Variants in ZNF804A observed in about 807,000 individuals in gnomAD.
The protein encoded by ZNF804A is zinc finger protein 804A.
In ZNF804A, 2 loss-of-function variants were observed where a neutral mutation model predicts 16.5. The ratio of observed to expected loss-of-function variants is 0.12; its 90% CI spans 0.05 to 0.38. The LOEUF is 0.38. Ranked by LOEUF, ZNF804A falls within the 10% of genes least tolerant of loss-of-function variation. The pLI, the probability that ZNF804A is intolerant of heterozygous loss-of-function variation, is 0.99. For missense variants in ZNF804A, 1,473 were observed against 1,390.7 expected (o/e 1.06, Z -0.94); for synonymous variants, 534 against 489.6 (o/e 1.09, Z -1.20).
intron 2 of ZNF804A, among the ~76,000 whole-genome samples, chr2:184,885,398 C>G (rs1312942119): frequency 6.6e-6 from 1 of 152,070 alleles, no homozygotes; most frequent in Non-Finnish European, 1.5e-5. Flanking sequence ...TTATGTTCAT[C>G]ACAGCACTAT....
At chr2:184,622,070 T>C (rs140685283) in intron 1 of ZNF804A, among the ~76,000 whole-genome samples, 1 of 151,810 alleles carries the variant, frequency 6.6e-6, no homozygotes, top group Non-Finnish European at 1.5e-5. Context: ...ATTTGGAAAG[T>C]ACTCTGATTA....
intron 1 of ZNF804A, among the ~76,000 whole-genome samples, chr2:184,610,989 T>C (rs1212639368): frequency 1.3e-5 from 2 of 152,224 alleles, no homozygotes; most frequent in Non-Finnish European, 2.9e-5. Context: ...TGAGCTGTTA[T>C]AACAAAATAC....
intron 2 of ZNF804A, among the ~76,000 whole-genome samples, chr2:184,932,073 A>G (rs1685711016): frequency 6.6e-6 from 1 of 152,134 alleles, no homozygotes; most frequent in Admixed American, 6.6e-5. Context: ...CCTGGACTTT[A>G]TTATCCATAT....
chr2:184,651,117 T>C (rs1003191968), intron 1 of ZNF804A, among the ~76,000 whole-genome samples: 6 of 151,734 alleles, frequency 4.0e-5, no homozygotes, highest in African/African-American at 1.5e-4. Context: ...TGGAATACAA[T>C]AGAGAACACA....
chr2:184,880,203 T>TA (rs1684787249), intron 2 of ZNF804A, among the ~76,000 whole-genome samples: 1 of 152,046 alleles, frequency 6.6e-6, no homozygotes, highest in Non-Finnish European at 1.5e-5. Flanking sequence ...GTTAAGAGGT[T>TA]ATAAAGGAAT....
intron 3 of ZNF804A, among the ~76,000 whole-genome samples, chr2:184,934,160 T>A (rs997900256): frequency 6.6e-6 from 1 of 152,050 alleles, no homozygotes; most frequent in Non-Finnish European, 1.5e-5. Flanking sequence ...AGATTCTTTT[T>A]CTAAAAAAGG....
At chr2:184,829,620 A>G (rs976450379) in intron 1 of ZNF804A, among the ~76,000 whole-genome samples, 6 of 152,000 alleles carry the variant, frequency 3.9e-5, no homozygotes, top group African/African-American at 1.4e-4. Flanking sequence ...ATCTGATATT[A>G]TCTGATGTAG....
At chr2:184,905,747 A>T (rs1411438384) in intron 2 of ZNF804A, among the ~76,000 whole-genome samples, 1 of 152,130 alleles carries the variant, frequency 6.6e-6, no homozygotes, top group Non-Finnish European at 1.5e-5. Context: ...GGGTGATTTT[A>T]TGGTGAATCT....
At chr2:184,757,590 T>A (rs924440376) in intron 1 of ZNF804A, among the ~76,000 whole-genome samples, 6 of 152,012 alleles carry the variant, frequency 3.9e-5, no homozygotes, top group Non-Finnish European at 5.9e-5. Context: ...AATAGGTATC[T>A]ATGGAAAATT....
chr2:184,703,365 T>C (rs1022917067), intron 1 of ZNF804A, among the ~76,000 whole-genome samples: 1 of 152,082 alleles, frequency 6.6e-6, no homozygotes, highest in African/African-American at 2.4e-5. Context: ...GCATGCATAG[T>C]GAACACATAT....
Position 184,866,426 on chromosome 2 carries a change from T to C in ZNF804A, c.169T>C (p.Phe57Leu). Reference sequence around the variant, plus strand: ...AGCTCTGGAAGATCTGAAGGCAAATTTTTACTGTGAACTCTGTGACAAGCA... The same window carrying C: ...AGCTCTGGAAGATCTGAAGGCAAATCTTTACTGTGAACTCTGTGACAAGCA... ...AKALEDLKAN[F>L]YCELCDKQYY... Residue 57 changes from phenylalanine to leucine, a missense_variant, in exon 2 of 4, where the codon TTT becomes CTT. Coordinates refer to ENST00000302277, the MANE Select transcript of ZNF804A (RefSeq NM_194250.2). The C allele has an allele frequency of 6.2e-7, 1 of 1,613,160 alleles. No homozygotes were observed. The highest frequency in any genetic ancestry group is 8.5e-7 in the Non-Finnish European group (1 of 1,179,558).
chr2:184,821,534 A>G (rs886853828), intron 1 of ZNF804A, among the ~76,000 whole-genome samples: 2 of 152,170 alleles, frequency 1.3e-5, no homozygotes, highest in East Asian at 3.8e-4. Flanking sequence ...ACACAAAAGC[A>G]ATGGCAACAA....
At chr2:184,629,246 A>C (rs957735694) in intron 1 of ZNF804A, among the ~76,000 whole-genome samples, 1 of 152,072 alleles carries the variant, frequency 6.6e-6, no homozygotes, top group African/African-American at 2.4e-5. Flanking sequence ...CTTGTCAGAG[A>C]GTAGTTTTAA....
chr2:184,916,526 A>G (rs545928010), intron 2 of ZNF804A, among the ~76,000 whole-genome samples: 25 of 152,328 alleles, frequency 1.6e-4, no homozygotes, highest in African/African-American at 5.3e-4. Flanking sequence ...ATTACATTCA[A>G]CTGTAAATAA....
intron 2 of ZNF804A, among the ~76,000 whole-genome samples, chr2:184,881,515 C>T (rs1310996556): frequency 6.6e-6 from 1 of 152,010 alleles, no homozygotes; most frequent in African/African-American, 2.4e-5. Flanking sequence ...CTAAAGGCAG[C>T]TAGAGAAACA....
intron 1 of ZNF804A, among the ~76,000 whole-genome samples, chr2:184,759,912 G>A (rs973829610): frequency 1.3e-5 from 2 of 151,892 alleles, no homozygotes; most frequent in South Asian, 2.1e-4. Context: ...ATCTCCCTTT[G>A]CTGACTCTCT....
chr2:184,938,714 CGCTGCAGCTGCTGCAGCTGCAGCT>C lies in ZNF804A; in HGVS notation c.3321_3344del (p.Ala1112_Ala1119del). 1 of 1,612,404 alleles carries C rather than the reference CGCTGCAGCTGCTGCAGCTGCAGCT, an allele frequency of 6.2e-7. No homozygotes were observed. Among genetic ancestry groups the C allele is most frequent in the Non-Finnish European group, 8.5e-7 (1 of 1,178,906 alleles). ...TCCATCACACTGTTTTGCAGCAGCA[CGCTGCAGCTGCTGCAGCTGCAGCT>C]GCAGCCGCAGCTGCAGGAACCTTTA... On this transcript the variant is annotated inframe_deletion, in exon 4 of 4. Transcript: ENST00000302277.
intron 2 of ZNF804A, among the ~76,000 whole-genome samples, chr2:184,897,234 A>T (rs1321711037): frequency 6.6e-6 from 1 of 152,142 alleles, no homozygotes; most frequent in East Asian, 1.9e-4. Flanking sequence ...CATAATATCA[A>T]GGGTACATAC....
intron 1 of ZNF804A, among the ~76,000 whole-genome samples, chr2:184,704,649 T>C (rs920048399): frequency 1.3e-5 from 2 of 152,216 alleles, no homozygotes; most frequent in African/African-American, 4.8e-5. Flanking sequence ...CTTTGGTTAA[T>C]AGAATTTTTT....
Sources: gnomAD v4.1 joint callset for allele counts (sites outside exome capture counted in the v4.1 genomes callset) on GRCh38, gnomAD v4.1.1 for gene constraint, MANE v1.5 for transcripts, NCBI Gene and HGNC (gene_info 2026-07-23, HGNC 2026-07-21) for gene names.